Variants in SLC28A1 observed in about 807,000 individuals in gnomAD.
The protein encoded by SLC28A1 is sodium/nucleoside cotransporter 1.
SLC28A1 carries 64 observed loss-of-function variants against 74.8 expected under a neutral mutation model. That is an observed-to-expected ratio of 0.86 (90% CI 0.70 to 1.05). SLC28A1 has a LOEUF of 1.05. SLC28A1 is among the 50% of genes least tolerant of loss of function. The pLI, the probability that SLC28A1 is intolerant of heterozygous loss-of-function variation, is 0.00. For synonymous variants in SLC28A1, 359 were observed against 335.0 expected (o/e 1.07, Z -0.78); for missense variants, 828 against 822.8 (o/e 1.01, Z -0.08).
At chr15:84,952,740 T>C in the SLC28A1 span, among the ~76,000 whole-genome samples, 2 of 152,072 alleles carry the variant, frequency 1.3e-5, no homozygotes, top group Non-Finnish European at 2.9e-5. Flanking sequence ...TACAAAAAAA[T>C]TAGCCAGGTG....
chr15:84,921,264 T>C (rs1464128757), intron 11 of SLC28A1, among the ~76,000 whole-genome samples, 195 bp downstream of exon 11: 1 of 152,194 alleles, frequency 6.6e-6, no homozygotes. Flanking sequence ...ATGTCATCTG[T>C]CTGGCTTCTC....
At chr15:84,960,711 C>T in the SLC28A1 span, among the ~76,000 whole-genome samples, 11 of 152,204 alleles carry the variant, frequency 7.2e-5, no homozygotes, top group African/African-American at 1.9e-4. Flanking sequence ...CCTTCGCCCT[C>T]GCTTTTGCAG....
the SLC28A1 span, among the ~76,000 whole-genome samples, chr15:84,955,019 AAG>A: frequency 6.6e-6 from 1 of 152,228 alleles, no homozygotes; most frequent in African/African-American, 2.4e-5. Context: ...ACCACAAAGA[AAG>A]AGTTCTCCCT....
At chr15:84,954,276 G>T in the SLC28A1 span, among the ~76,000 whole-genome samples, 1 of 152,178 alleles carries the variant, frequency 6.6e-6, no homozygotes, top group Non-Finnish European at 1.5e-5. Flanking sequence ...GAAGCTGGCA[G>T]CTCCTATTTG....
intron 6 of SLC28A1, among the ~76,000 whole-genome samples, chr15:84,899,613 C>T (rs1209795438): frequency 1.3e-5 from 2 of 152,092 alleles, no homozygotes; most frequent in Non-Finnish European, 2.9e-5. Context: ...AGCAAATACC[C>T]AAAAGGCTGT....
chr15:84,951,043 C>G, the SLC28A1 span, among the ~76,000 whole-genome samples: 2 of 152,132 alleles, frequency 1.3e-5, no homozygotes, highest in Admixed American at 6.5e-5. Context: ...GCATCCCACA[C>G]GTTCTTGGTA....
At position 84,884,744 on chromosome 15, in the gene SLC28A1, A is replaced by G. The variant is rs1321503233; in HGVS notation, c.-140A>G. The G allele has an allele frequency of 5.1e-6, 5 of 985,648 alleles. No homozygotes were observed. The highest frequency in any genetic ancestry group is 3.5e-5 in the African/African-American group (2 of 57,368). 61.1% of individuals were successfully genotyped at this position (985,648 alleles called of 1,614,324 possible). The stretch of plus-strand genomic sequence containing the variant: ...CTGGCTTCCCTCTGGATGCTGACAG[A>G]AACAAGGGTGAGAGAAAAGGACAGT... On this transcript the variant is annotated 5_prime_UTR_variant, in exon 1 of 19. Coordinates refer to ENST00000394573, the MANE Select transcript of SLC28A1 (RefSeq NM_004213.5).
chr15:84,973,725 C>G, the SLC28A1 span, among the ~76,000 whole-genome samples: 1 of 152,214 alleles, frequency 6.6e-6, no homozygotes, highest in South Asian at 2.1e-4. Context: ...TGCATGATGT[C>G]TGCTTCCTGC....
downstream of SLC28A1, among the ~76,000 whole-genome samples, chr15:84,946,337 G>A (rs1240703436): frequency 1.3e-5 from 2 of 151,486 alleles, no homozygotes; most frequent in African/African-American, 4.9e-5. Flanking sequence ...TGTTCAAACT[G>A]CTTTACTCTA....
At chr15:84,951,417 C>A in the SLC28A1 span, among the ~76,000 whole-genome samples, 5 of 139,656 alleles carry the variant, frequency 3.6e-5, no homozygotes, top group South Asian at 5.0e-4. Flanking sequence ...CAGAGCGAGA[C>A]CCTGTCTTAA....
At chr15:84,895,523 A>G in intron 6 of SLC28A1, 2 of 1,563,032 alleles carry the variant, frequency 1.3e-6, no homozygotes, top group South Asian at 1.2e-5. Flanking sequence ...ATTTTTCATT[A>G]GCCTCCAGGG....
At chr15:84,932,620 G>C (rs1026563178) in intron 12 of SLC28A1, among the ~76,000 whole-genome samples, 1 of 152,198 alleles carries the variant, frequency 6.6e-6, no homozygotes, top group Non-Finnish European at 1.5e-5. Flanking sequence ...TCCTACGCTA[G>C]TACATACCTA....
At chr15:84,939,740 T>G (rs1972420328) in intron 15 of SLC28A1, 1 of 152,358 alleles carries the variant, frequency 6.6e-6, no homozygotes, top group Non-Finnish European at 1.5e-5. Context: ...GTGTTTTTTT[T>G]TTAATTAAAA....
At chr15:84,947,997 G>GA (rs63673861), downstream of SLC28A1, among the ~76,000 whole-genome samples, 10 of 151,132 alleles carry the variant, frequency 6.6e-5, no homozygotes, top group South Asian at 2.1e-4. Flanking sequence ...ATGGCATGGG[G>GA]AAAAAAAAAC....
At chr15:84,891,664 T>C (rs1965384102) in intron 5 of SLC28A1, among the ~76,000 whole-genome samples, 1 of 152,174 alleles carries the variant, frequency 6.6e-6, no homozygotes, top group South Asian at 2.1e-4. Flanking sequence ...AACTGAGCCA[T>C]GTCCACCGAT....
chr15:84,969,575 C>A, the SLC28A1 span, among the ~76,000 whole-genome samples: 1 of 152,078 alleles, frequency 6.6e-6, no homozygotes, highest in African/African-American at 2.4e-5. Flanking sequence ...CAAGAGCACA[C>A]ATGTAGGGGG....
intron 8 of SLC28A1, among the ~76,000 whole-genome samples, chr15:84,907,783 G>A (rs1967456929): frequency 6.6e-6 from 1 of 152,236 alleles, no homozygotes; most frequent in Admixed American, 6.5e-5. Context: ...GCTCTGTGCA[G>A]GGTGGAGCAT....
rs757042450 is a variant in SLC28A1, at chr15:84,905,616, A to T, written c.681A>T (p.Gly227=). 1 of 1,614,042 alleles carries T rather than the reference A, an allele frequency of 6.2e-7. No individual in the cohort carries two copies. The highest frequency in any genetic ancestry group is 1.1e-5 in the South Asian group (1 of 91,066). ...LGLLVIRTEP[G]FIAFEWLGEQ... is the part of the protein sequence containing the mutation. ...TCCTCGTCATCAGAACAGAACCAGG[A>T]TTCATTGCGTTCGAGTGGCTGGGCG... The change falls in exon 8 of 19, where the codon GGA becomes GGT. Residue 227 remains glycine (G), a synonymous_variant. Transcript: ENST00000394573.
chr15:84,908,621 T>C (rs4980349), intron 8 of SLC28A1, 97 bp from the exon 9 acceptor site: 269,501 of 1,015,026 alleles, frequency 0.27, 38,546 homozygotes, highest in South Asian at 0.43. Context: ...GGGGACTACG[T>C]CCCTGGGCCA....
Sources: gnomAD v4.1 joint callset for allele counts (sites outside exome capture counted in the v4.1 genomes callset) on GRCh38, gnomAD v4.1.1 for gene constraint, MANE v1.5 for transcripts, NCBI Gene and HGNC (gene_info 2026-07-23, HGNC 2026-07-21) for gene names.